Variants in CHRM5 observed in about 807,000 individuals in gnomAD.
The protein encoded by CHRM5 is cholinergic receptor muscarinic 5.
CHRM5 carries 18 observed loss-of-function variants against 39.0 expected under a neutral mutation model. That is an observed-to-expected ratio of 0.46 (90% confidence interval 0.32 to 0.68). CHRM5 has a LOEUF of 0.68. CHRM5 is among the 30% of genes least tolerant of loss of function. The pLI, the probability that CHRM5 is intolerant of heterozygous loss-of-function variation, is 0.04. For missense variants in CHRM5, 515 were observed against 651.1 expected (o/e 0.79, Z 2.28); for synonymous variants, 241 against 246.3 (o/e 0.98, Z 0.20).
At chr15:34,017,475 TTTTTTTTTG>T (rs1897969415) in intron 1 of CHRM5, among the ~76,000 whole-genome samples, 2 of 35,282 alleles carry the variant, frequency 5.7e-5, no homozygotes, top group Admixed American at 5.6e-4. Context: ...TCAGTATGAT[TTTTTTTTTG>T]TTTTTTTTTT....
chr15:34,042,009 TC>T (rs763990094), intron 1 of CHRM5, among the ~76,000 whole-genome samples: 2 of 152,098 alleles, frequency 1.3e-5, no homozygotes, highest in Non-Finnish European at 2.9e-5. Context: ...AATTCTGAGG[TC>T]CCCCTTCTAG....
rs145345844 is a variant in CHRM5, at chr15:34,002,622, A to T, written c.-408+33472A>T. Among the ~76,000 whole-genome samples, 20 of 152,312 alleles carry T rather than the reference A, an allele frequency of 1.3e-4. No homozygotes were observed. In the East Asian group the frequency reaches 3.9e-3, roughly 29 times the overall value. On this transcript the variant is annotated intron_variant, in intron 1 of 2. Coordinates refer to ENST00000383263, the MANE Select transcript of CHRM5 (RefSeq NM_012125.4). The stretch of plus-strand genomic sequence containing the variant: ...AATATGTGCATATCCACTACTATGT[A>T]TATACCTGGCTACTTAAAAAAAGGA...
At chr15:34,003,261 A>C (rs776206977) in intron 1 of CHRM5, 2 of 1,560,498 alleles carry the variant, frequency 1.3e-6, no homozygotes, top group Non-Finnish European at 1.7e-6. Flanking sequence ...TCCTGACCTT[A>C]GTAGACTTCC....
At chr15:34,024,774 T>C (rs1460285204) in intron 1 of CHRM5, among the ~76,000 whole-genome samples, 1 of 149,690 alleles carries the variant, frequency 6.7e-6, no homozygotes, top group Non-Finnish European at 1.5e-5. Flanking sequence ...GGCAGGAGAA[T>C]AGCTTGAACC....
intron 1 of CHRM5, among the ~76,000 whole-genome samples, chr15:33,971,031 C>T (rs529750834): frequency 1.9e-4 from 29 of 151,818 alleles, no homozygotes; most frequent in African/African-American, 6.5e-4. Flanking sequence ...AAAAAAATAC[C>T]CTACAGCAAT....
In CHRM5 at chr15:33,985,748, A is replaced by G. The variant is rs8025796; in HGVS notation, c.-408+16598A>G. 2.7e-3 allele frequency among the ~76,000 whole-genome samples: 406 copies of G among 152,266 alleles called. 2 individuals are homozygous for G. The highest frequency in any genetic ancestry group is 9.4e-3 in the African/African-American group (389 of 41,586). ...TATAAGCTAGAAATCTTGAGTTTGA[A>G]GCCAAAGACTACTGTTCCCAATTCT... On this transcript the variant is annotated intron_variant, in intron 1 of 2. Transcript: ENST00000383263.
At chr15:33,971,700 A>C (rs1895646220) in intron 1 of CHRM5, among the ~76,000 whole-genome samples, 1 of 152,078 alleles carries the variant, frequency 6.6e-6, no homozygotes, top group African/African-American at 2.4e-5. Flanking sequence ...TATAACTTTA[A>C]GTTTTCATAA....
At chr15:34,014,459 T>TA (rs1310784642) in intron 1 of CHRM5, among the ~76,000 whole-genome samples, 1 of 135,258 alleles carries the variant, frequency 7.4e-6, no homozygotes, top group African/African-American at 2.9e-5. Flanking sequence ...GGTCCCCTGA[T>TA]AAAAAATACA....
chr15:33,997,523 T>G (rs1441195375), intron 1 of CHRM5, among the ~76,000 whole-genome samples: 2 of 152,130 alleles, frequency 1.3e-5, no homozygotes, highest in African/African-American at 4.8e-5. Flanking sequence ...ATTACCGTCA[T>G]CCGCAACCCC....
At chr15:34,022,860 C>A (rs1898264547) in intron 1 of CHRM5, among the ~76,000 whole-genome samples, 1 of 152,236 alleles carries the variant, frequency 6.6e-6, no homozygotes, top group African/African-American at 2.4e-5. Context: ...TGCAGCTCTG[C>A]TGAAAGCTTG....
At chr15:34,026,546 G>A (rs911343849) in intron 1 of CHRM5, among the ~76,000 whole-genome samples, 8 of 152,040 alleles carry the variant, frequency 5.3e-5, no homozygotes, top group African/African-American at 9.7e-5. Context: ...ATAAGCTGAC[G>A]TCACCCAGGA....
At chr15:33,993,990 T>A (rs1456008321) in intron 1 of CHRM5, among the ~76,000 whole-genome samples, 1 of 152,238 alleles carries the variant, frequency 6.6e-6, no homozygotes, top group African/African-American at 2.4e-5. Flanking sequence ...GTTGCTTCCA[T>A]CTGAGGCTCT....
chr15:33,996,541 G>T (rs186546645), intron 1 of CHRM5, among the ~76,000 whole-genome samples: 2 of 152,190 alleles, frequency 1.3e-5, no homozygotes, highest in African/African-American at 2.4e-5. Flanking sequence ...TGCAGCCTCC[G>T]CTGGTGATAC....
In CHRM5 at chr15:34,066,552, C is replaced by T. The variant is rs545494212; in HGVS notation, c.*2236C>T. ...GGGTGTGGTGGCTGACACCTGTAAT[C>T]CCAGCACTTTGGGAGGCTGAGGCAA... On this transcript the variant is annotated 3_prime_UTR_variant, in exon 3 of 3. Coordinates refer to ENST00000383263, the MANE Select transcript of CHRM5 (RefSeq NM_012125.4). 1 of 152,260 alleles carries T rather than the reference C, an allele frequency of 6.6e-6. No homozygotes were observed. Among genetic ancestry groups the T allele is most frequent in the South Asian group, 2.1e-4 (1 of 4,818 alleles). The allele number at this position is 152,260 out of a possible 1,614,324, so 9.4% of individuals were successfully genotyped here.
intron 1 of CHRM5, chr15:34,038,661 G>C (rs1480550735): frequency 1.4e-5 from 14 of 988,828 alleles, no homozygotes; most frequent in African/African-American, 1.7e-5. Flanking sequence ...CGCAGGCGCC[G>C]GCGCCGCCGC....
chr15:33,981,149 A>C (rs1896125799), intron 1 of CHRM5, among the ~76,000 whole-genome samples: 1 of 152,192 alleles, frequency 6.6e-6, no homozygotes, highest in African/African-American at 2.4e-5. Flanking sequence ...AAAATATCTG[A>C]ATTAAGAAAT....
At chr15:34,026,031 T>C (rs1898453020) in intron 1 of CHRM5, among the ~76,000 whole-genome samples, 1 of 152,230 alleles carries the variant, frequency 6.6e-6, no homozygotes, top group Non-Finnish European at 1.5e-5. Flanking sequence ...TTTCTGATAA[T>C]ACACAACAGT....
intron 1 of CHRM5, among the ~76,000 whole-genome samples, chr15:34,009,709 C>T (rs1048437089): frequency 2.0e-5 from 3 of 152,082 alleles, no homozygotes; most frequent in African/African-American, 7.2e-5. Flanking sequence ...ACAATAGGGC[C>T]AGGCACAGTG....
Position 34,063,810 on chromosome 15 carries a change from C to T in CHRM5, c.1093C>T (p.Pro365Ser). Residue 365 changes from proline (P) to serine (S), a missense_variant, in exon 3 of 3, where the codon CCA becomes TCA. Coordinates refer to ENST00000383263, the MANE Select transcript of CHRM5 (RefSeq NM_012125.4). This position sits in a 1 kb window ranked among gnomAD's most constrained non-coding sequence, Gnocchi z 4.1. ...DYDTPNYLLSPAAAHRPKSQK... is the reference protein window; with the variant it reads ...DYDTPNYLLSSAAAHRPKSQK... ...TGACACCCCAAACTACCTTCTGTCT[C>T]CAGCAGCTGCTCATAGACCCAAGAG... The T allele has an allele frequency of 1.2e-6, 2 of 1,614,206 alleles. No individual in the cohort carries two copies. The highest frequency in any genetic ancestry group is 1.7e-5 in the Admixed American group (1 of 60,024).
Sources: allele counts gnomAD v4.1 joint callset (sites outside exome capture counted in the v4.1 genomes callset), GRCh38; gene constraint gnomAD v4.1.1; non-coding constraint Gnocchi (gnomAD v3.1); transcripts MANE v1.5; gene names NCBI Gene and HGNC (gene_info 2026-07-23, HGNC 2026-07-21).